MAST4: variants seen among roughly 807,000 people sequenced by gnomAD.
The protein encoded by MAST4 is microtubule associated serine/threonine kinase family member 4.
A neutral mutation model predicts 162.7 loss-of-function variants in MAST4; 89 were observed. The observed-to-expected ratio is 0.55, with a 90% CI of 0.46 to 0.65. The LOEUF is 0.65. MAST4 is among the 30% of genes least tolerant of loss of function. The probability of loss-of-function intolerance (pLI) is 0.00; values close to 1 mark genes in which losing one functional copy is unlikely to be tolerated. For synonymous variants in MAST4, 1,479 were observed against 1,361.1 expected (o/e 1.09, Z -1.91); for missense variants, 3,153 against 3,374.0 (o/e 0.93, Z 1.62).
chr5:66,664,051 A>G (rs1032164407), intron 1 of MAST4, among the ~76,000 whole-genome samples: 2 of 152,124 alleles, frequency 1.3e-5, no homozygotes, highest in Admixed American at 1.3e-4. Context: ...AGGGTGTAAG[A>G]AAGAGAGGAG....
intron 1 of MAST4, among the ~76,000 whole-genome samples, chr5:66,718,512 C>T (rs1030536206): frequency 6.6e-6 from 1 of 152,012 alleles, no homozygotes. Flanking sequence ...GTCTCAGGGC[C>T]CCTGGCTCTG....
chr5:67,031,144 A>G (rs535574947), intron 4 of MAST4, among the ~76,000 whole-genome samples: 1 of 152,290 alleles, frequency 6.6e-6, no homozygotes, highest in East Asian at 1.9e-4. Context: ...GCGTTTATTA[A>G]ATAGATTAAT....
At chr5:67,095,424 A>G (rs1239666508) in intron 6 of MAST4, among the ~76,000 whole-genome samples, 173 bp from the exon 7 acceptor site, 1 of 152,196 alleles carries the variant, frequency 6.6e-6, no homozygotes, top group Non-Finnish European at 1.5e-5. Flanking sequence ...TTCAGTTTAA[A>G]TAAAAGTCAA....
At chr5:67,143,518 A>G (rs999281237) in intron 21 of MAST4, among the ~76,000 whole-genome samples, 1 of 152,138 alleles carries the variant, frequency 6.6e-6, no homozygotes, top group African/African-American at 2.4e-5. Context: ...CCCTTTTGCT[A>G]TTTTCAGTAG....
intron 5 of MAST4, among the ~76,000 whole-genome samples, chr5:67,077,691 A>G (rs1477944626): frequency 6.6e-6 from 1 of 152,196 alleles, no homozygotes; most frequent in African/African-American, 2.4e-5. Context: ...AAGCCAATAA[A>G]TTGTCCTGAA....
At chr5:67,135,883 A>T (rs564502138) in intron 18 of MAST4, among the ~76,000 whole-genome samples, 54 of 152,362 alleles carry the variant, frequency 3.5e-4, no homozygotes, top group African/African-American at 1.3e-3. Context: ...ATTTCCGTAC[A>T]CACAAGCACG....
intron 1 of MAST4, among the ~76,000 whole-genome samples, chr5:66,716,342 GTGTATGTGTGTA>G (rs1346298342): frequency 6.6e-6 from 1 of 151,986 alleles, no homozygotes; most frequent in Non-Finnish European, 1.5e-5. Flanking sequence ...CTCTATGTGT[GTGTATGTGTGTA>G]TGTATGTGTG....
intron 3 of MAST4, chr5:66,870,686 C>T: frequency 2.3e-6 from 1 of 442,040 alleles, no homozygotes; most frequent in Admixed American, 2.5e-5. Flanking sequence ...AACACTGTCC[C>T]TCTCCCTTTT....
At chr5:66,926,142 T>C (rs759750948) in intron 4 of MAST4, among the ~76,000 whole-genome samples, 10 of 152,230 alleles carry the variant, frequency 6.6e-5, no homozygotes, top group Non-Finnish European at 1.2e-4. Flanking sequence ...CAGAAATAGA[T>C]GACTATGCAA....
intron 3 of MAST4, among the ~76,000 whole-genome samples, chr5:66,839,828 C>T (rs1176956361): frequency 6.6e-6 from 1 of 152,094 alleles, no homozygotes; most frequent in Non-Finnish European, 1.5e-5. Context: ...AATGGAGTAT[C>T]TGTAATTGAA....
intron 1 of MAST4, among the ~76,000 whole-genome samples, chr5:66,644,193 A>G (rs1002348170): frequency 6.6e-6 from 1 of 152,020 alleles, no homozygotes; most frequent in Non-Finnish European, 1.5e-5. Flanking sequence ...TATGAACAAT[A>G]TCCATAGCTT....
chr5:67,069,919 T>TGTGTGTGTGTGTGTG (rs70987153), intron 5 of MAST4, among the ~76,000 whole-genome samples: 1 of 149,358 alleles, frequency 6.7e-6, no homozygotes, highest in African/African-American at 2.5e-5. Context: ...TGTGTGTGTG[T>TGTGTGTGTGTGTGTG]TCCTCAGCAA....
intron 5 of MAST4, among the ~76,000 whole-genome samples, chr5:67,058,959 A>G (rs152630): frequency 0.15 from 22,751 of 152,270 alleles, 1,814 homozygotes; most frequent in Middle Eastern, 0.22. Flanking sequence ...TTAATCTTAC[A>G]GTTCTTCAGG....
intron 18 of MAST4, among the ~76,000 whole-genome samples, chr5:67,134,902 A>G (rs1449589211): frequency 6.6e-6 from 1 of 152,226 alleles, no homozygotes; most frequent in Non-Finnish European, 1.5e-5. Context: ...TGTTGTTAAC[A>G]TAGAATTTGG....
intron 2 of MAST4, 63 bp from the exon 3 acceptor site, chr5:66,788,607 C>CCCTCCCAAAA: frequency 1.5e-6 from 2 of 1,373,728 alleles, no homozygotes; most frequent in Non-Finnish European, 1.0e-6. Flanking sequence ...CCCCCACCCC[C>CCCTCCCAAAA]ATTGCAATAA....
At chr5:66,879,148 G>A (rs553385207) in intron 3 of MAST4, among the ~76,000 whole-genome samples, 1 of 151,970 alleles carries the variant, frequency 6.6e-6, no homozygotes, top group Non-Finnish European at 1.5e-5. Context: ...GCGTGGTGGC[G>A]GGTGCCTGTA....
At chr5:66,618,148 G>T (rs190765648) in intron 1 of MAST4, among the ~76,000 whole-genome samples, 1 of 152,310 alleles carries the variant, frequency 6.6e-6, no homozygotes, top group Non-Finnish European at 1.5e-5. Flanking sequence ...TGGAGAAAGA[G>T]AATCTTTACT....
At chr5:66,675,758 AT>A (rs1302545442) in intron 1 of MAST4, among the ~76,000 whole-genome samples, 1 of 152,216 alleles carries the variant, frequency 6.6e-6, no homozygotes, top group Admixed American at 6.5e-5. Context: ...AAAGACCTGA[AT>A]CTAACAGAAT....
chr5:66,745,409 G>C (rs1752693227), intron 1 of MAST4, among the ~76,000 whole-genome samples: 1 of 152,052 alleles, frequency 6.6e-6, no homozygotes, highest in African/African-American at 2.4e-5. Flanking sequence ...CTTAGAACGT[G>C]GTGGATGGAT....
Sources: gnomAD v4.1 joint callset for allele counts (sites outside exome capture counted in the v4.1 genomes callset) on GRCh38, gnomAD v4.1.1 for gene constraint, MANE v1.5 for transcripts, NCBI Gene and HGNC (gene_info 2026-07-23, HGNC 2026-07-21) for gene names.